PCLO: variants seen among roughly 807,000 people sequenced by gnomAD.
PCLO encodes piccolo presynaptic cytomatrix protein, also known as protein piccolo.
A neutral mutation model predicts 427.5 loss-of-function variants in PCLO; 82 were observed. That is an observed-to-expected ratio of 0.19 (90% confidence interval 0.16 to 0.23). The LOEUF (loss-of-function observed/expected upper bound fraction) is 0.23, where lower values mean the gene tolerates loss of function less well. Among genes scored for constraint, PCLO ranks in the 10% least tolerant of loss-of-function variants. The probability of loss-of-function intolerance (pLI) is 1.00; values close to 1 mark genes in which losing one functional copy is unlikely to be tolerated. For missense variants in PCLO, 6,239 were observed against 6,115.9 expected, an observed-to-expected ratio of 1.02 and a Z score of -0.67; for synonymous variants, 2,357 against 2,155.4, an observed-to-expected ratio of 1.09 and a Z score of -2.59.
At chr7:82,888,617 A>G (rs1304160075) in intron 9 of PCLO, among the ~76,000 whole-genome samples, 1 of 152,166 alleles carries the variant, frequency 6.6e-6, no homozygotes, top group African/African-American at 2.4e-5. Flanking sequence ...TTTTTAAAAA[A>G]AAGACTTAAT....
At position 83,060,119 on chromosome 7, in the gene PCLO, C is replaced by T. The variant is rs186861779; in HGVS notation, c.3300+74131G>A. Among the ~76,000 whole-genome samples, 61 of 152,292 alleles carry T rather than the reference C, an allele frequency of 4.0e-4. 1 individual carries two copies. Among genetic ancestry groups the T allele is most frequent in the Non-Finnish European group, 3.5e-4 (24 of 68,034 alleles). On this transcript the variant is annotated intron_variant, in intron 3 of 24. Coordinates refer to ENST00000333891, the MANE Select transcript of PCLO (RefSeq NM_033026.6). ...AGCAGAACCCAGTAATTCCAGACTG[C>T]AGAGACAGCAGGTAACAAATGTCCC...
At chr7:83,123,773 G>GA (rs762493378) in intron 3 of PCLO, among the ~76,000 whole-genome samples, 104 of 151,876 alleles carry the variant, frequency 6.8e-4, no homozygotes, top group Admixed American at 2.4e-3. Flanking sequence ...CAAATCCATA[G>GA]AAAAAAATCT....
chr7:82,878,373 G>T (rs960111605), intron 10 of PCLO, among the ~76,000 whole-genome samples: 4 of 152,044 alleles, frequency 2.6e-5, no homozygotes, highest in Admixed American at 6.6e-5. Flanking sequence ...AGCAACAGCA[G>T]ACAAAATTTT....
chr7:83,162,526 C>G lies in PCLO; in HGVS notation c.67G>C (p.Gly23Arg). 1 of 1,556,916 alleles carries G rather than the reference C, an allele frequency of 6.4e-7. No homozygotes were observed. The highest frequency in any genetic ancestry group is 8.7e-7 in the Non-Finnish European group (1 of 1,151,434). ...CTCCCCGCCCCGCTAGCTCCTCCTC[C>G]AGCCGCTGCGGCCGCCGCCAGCCCT... The part of the protein sequence containing the change: ...PEGLAAAAAA[G>R]GGASGAGSPS... The change falls in exon 1 of 25, where the codon GGA becomes CGA. Residue 23 changes from glycine to arginine, a missense_variant. Gly to Arg is a moderately radical substitution (Grantham distance 125, BLOSUM62 -2). Transcript: ENST00000333891.
intron 2 of PCLO, among the ~76,000 whole-genome samples, chr7:83,146,757 C>T (rs889100234): frequency 6.6e-6 from 1 of 152,014 alleles, no homozygotes; most frequent in East Asian, 1.9e-4. Flanking sequence ...CCCACCACCA[C>T]GCCCAGCTAA....
intron 3 of PCLO, among the ~76,000 whole-genome samples, chr7:83,024,306 TCA>T (rs1788425137): frequency 6.6e-6 from 1 of 152,032 alleles, no homozygotes; most frequent in Non-Finnish European, 1.5e-5. Context: ...GCGCAAGGGG[TCA>T]CCGAGTTCCC....
At chr7:82,891,284 T>C (rs1793759028) in intron 9 of PCLO, among the ~76,000 whole-genome samples, 1 of 152,096 alleles carries the variant, frequency 6.6e-6, no homozygotes, top group Non-Finnish European at 1.5e-5. Flanking sequence ...ATTTTTAAAA[T>C]TTTAGGTAGA....
At chr7:83,120,812 A>T (rs1584049925) in intron 3 of PCLO, among the ~76,000 whole-genome samples, 3 of 152,244 alleles carry the variant, frequency 2.0e-5, no homozygotes, top group Non-Finnish European at 4.4e-5. Context: ...CATCCATACC[A>T]GACCTGTCTT....
intron 3 of PCLO, among the ~76,000 whole-genome samples, chr7:83,066,129 C>T (rs981365408): frequency 9.2e-5 from 14 of 152,240 alleles, no homozygotes; most frequent in African/African-American, 2.6e-4. Flanking sequence ...CTTACATATG[C>T]TTTTCTATGA....
intron 18 of PCLO, among the ~76,000 whole-genome samples, chr7:82,824,910 C>T (rs1171452053): frequency 2.0e-5 from 3 of 151,934 alleles, no homozygotes; most frequent in Non-Finnish European, 4.4e-5. Flanking sequence ...GATCACACCA[C>T]TGCACTCCAG....
chr7:82,908,782 A>C, intron 8 of PCLO, 95 bp downstream of exon 8: 1 of 1,062,132 alleles, frequency 9.4e-7, no homozygotes, highest in Non-Finnish European at 1.4e-6. Flanking sequence ...TAATAAACAA[A>C]CATCTCATTC....
chr7:83,027,928 A>T (rs1322098858), intron 3 of PCLO, among the ~76,000 whole-genome samples: 565 of 134,734 alleles, frequency 4.2e-3, no homozygotes, highest in African/African-American at 0.015. Flanking sequence ...AAAAACTCTC[A>T]ATAAATTAGG....
chr7:83,038,351 C>T (rs1443108480), intron 3 of PCLO, among the ~76,000 whole-genome samples: 6 of 151,132 alleles, frequency 4.0e-5, no homozygotes, highest in African/African-American at 9.7e-5. Context: ...AGCTCCATAA[C>T]GTTTAGTTAT....
At chr7:82,949,288 C>G (rs1192540232) in intron 6 of PCLO, among the ~76,000 whole-genome samples, 188 bp downstream of exon 6, 1 of 151,812 alleles carries the variant, frequency 6.6e-6, no homozygotes, top group African/African-American at 2.4e-5. Context: ...CGCACACACA[C>G]ACGTGTGCAC....
intron 15 of PCLO, among the ~76,000 whole-genome samples, chr7:82,836,514 T>G (rs1383454921): frequency 6.6e-6 from 1 of 152,164 alleles, no homozygotes. Context: ...TGACTATTGG[T>G]AATCTCTACA....
intron 3 of PCLO, among the ~76,000 whole-genome samples, chr7:83,009,099 G>A (rs1448590241): frequency 6.6e-6 from 1 of 151,514 alleles, no homozygotes. Flanking sequence ...TTTTTAGTGG[G>A]TACTAGAAAA....
chr7:82,845,086 C>T (rs1472303910), intron 13 of PCLO, among the ~76,000 whole-genome samples, 185 bp downstream of exon 13: 1 of 151,998 alleles, frequency 6.6e-6, no homozygotes, highest in South Asian at 2.1e-4. Context: ...AGAAATACAT[C>T]ATCTTGATAC....
rs1790301377 is a variant in PCLO, at chr7:82,755,597, T to G, written c.*2978A>C. 1 of 152,048 alleles carries G rather than the reference T, an allele frequency of 6.6e-6. No individual in the cohort carries two copies. 9.4% of individuals were successfully genotyped at this position (152,048 alleles called of 1,614,324 possible). On this transcript the variant is annotated 3_prime_UTR_variant, in exon 25 of 25. Coordinates refer to ENST00000333891, the MANE Select transcript of PCLO (RefSeq NM_033026.6). ...ACTGAGATGCTCTTCAAGGTAAAAG[T>G]GCTGTAATTGGAGTAATTACGTATT...
At position 82,966,302 on chromosome 7, in the gene PCLO, T is replaced by C. The variant is rs1030555010; in HGVS notation, c.3486A>G (p.Gln1162=). The change falls in exon 4 of 25, where the codon CAA becomes CAG. Residue 1162 remains glutamine, a synonymous_variant. Transcript: ENST00000333891. ...PQVKLVKKQE[Q]EVKTEAEKVI... ...CTTTTTCAGCTTCCGTTTTTACTTC[T>C]TGTTCTTGCTTTTTCACTAATTTTA... 1.9e-6 allele frequency: 3 copies of C among 1,613,440 alleles called. No homozygotes were observed. The highest frequency in any genetic ancestry group is 2.7e-5 in the African/African-American group (2 of 74,858).
Sources: gnomAD v4.1 joint callset for allele counts (sites outside exome capture counted in the v4.1 genomes callset) on GRCh38, gnomAD v4.1.1 for gene constraint, MANE v1.5 for transcripts, NCBI Gene and HGNC (gene_info 2026-07-23, HGNC 2026-07-21) for gene names.